SH3GL3: variants seen among roughly 807,000 people sequenced by gnomAD.
SH3GL3 encodes the protein endophilin-A3.
Under a neutral mutation model 47.7 loss-of-function variants are expected in SH3GL3, and 33 were observed. That is an observed-to-expected ratio of 0.69 (90% CI 0.52 to 0.92). The LOEUF (loss-of-function observed/expected upper bound fraction) is 0.92, where lower values mean the gene tolerates loss of function less well. SH3GL3 is among the 40% of genes least tolerant of loss of function. The probability of loss-of-function intolerance (pLI) is 0.00; values close to 1 mark genes in which losing one functional copy is unlikely to be tolerated. For missense variants in SH3GL3, 363 were observed against 417.8 expected (o/e 0.87, Z 1.14); for synonymous variants, 155 against 148.8 (o/e 1.04, Z -0.30).
chr15:83,538,477 T>C (rs1237978697), intron 1 of SH3GL3, among the ~76,000 whole-genome samples: 1 of 152,198 alleles, frequency 6.6e-6, no homozygotes, highest in Non-Finnish European at 1.5e-5. Flanking sequence ...TATAGAACAT[T>C]AGTGGCACCC....
intron 1 of SH3GL3, among the ~76,000 whole-genome samples, chr15:83,473,657 C>T (rs1220811256): frequency 2.0e-5 from 3 of 151,786 alleles, no homozygotes; most frequent in African/African-American, 7.3e-5. Context: ...ACGCCATTCT[C>T]CTGCCTCAGC....
rs570626440 is a variant in SH3GL3, at chr15:83,588,640, C to T, written c.729-22C>T. On this transcript the variant is annotated intron_variant, in intron 7 of 8. Coordinates refer to ENST00000427482, the MANE Select transcript of SH3GL3 (RefSeq NM_003027.5). ...AGCTTTCAACATCAGATGTCTGGCT[C>T]ATCTTACGATGTGTGTTACAGAATA... 48 of 1,394,502 alleles carry T rather than the reference C, an allele frequency of 3.4e-5. No individual in the cohort carries two copies. In the South Asian group the frequency reaches 5.1e-4, roughly 15 times the overall value. 86.4% of individuals were successfully genotyped at this position (1,394,502 alleles called of 1,614,324 possible). A position where few individuals can be genotyped will look rare whatever the true frequency, so the allele number is the denominator to read the frequency against.
At chr15:83,535,549 C>T (rs1270789626) in intron 1 of SH3GL3, among the ~76,000 whole-genome samples, 1 of 152,190 alleles carries the variant, frequency 6.6e-6, no homozygotes, top group African/African-American at 2.4e-5. Flanking sequence ...CATGAAACTT[C>T]ATGTTCCTAC....
intron 1 of SH3GL3, among the ~76,000 whole-genome samples, chr15:83,465,447 C>T (rs2040528224): frequency 1.3e-5 from 2 of 151,992 alleles, no homozygotes; most frequent in Admixed American, 1.3e-4. Context: ...CCTGTGAAAC[C>T]TCACTTGACT....
intron 1 of SH3GL3, among the ~76,000 whole-genome samples, chr15:83,481,315 G>C (rs1212295350): frequency 6.6e-6 from 1 of 151,860 alleles, no homozygotes; most frequent in African/African-American, 2.4e-5. Flanking sequence ...CTGTCACAGG[G>C]AGCGGAAACA....
chr15:83,513,713 A>G (rs1243646457), intron 1 of SH3GL3, among the ~76,000 whole-genome samples: 3 of 151,614 alleles, frequency 2.0e-5, no homozygotes, highest in African/African-American at 7.3e-5. Flanking sequence ...TCTACTTCCC[A>G]CTCTACCCAG....
chr15:83,465,797 T>C (rs2040544358), intron 1 of SH3GL3, among the ~76,000 whole-genome samples: 1 of 152,224 alleles, frequency 6.6e-6, no homozygotes, highest in Admixed American at 6.5e-5. Flanking sequence ...TGTTCCTTTA[T>C]TCTATGTGCT....
chr15:83,557,094 G>A (rs1490418419), intron 1 of SH3GL3, among the ~76,000 whole-genome samples: 1 of 152,198 alleles, frequency 6.6e-6, no homozygotes, highest in Non-Finnish European at 1.5e-5. Flanking sequence ...AAGTCGAAGC[G>A]TGGAAAAATA....
At chr15:83,624,487 C>T in the SH3GL3 span, among the ~76,000 whole-genome samples, 2 of 152,120 alleles carry the variant, frequency 1.3e-5, no homozygotes, top group Admixed American at 6.5e-5. Context: ...GACGAGCTAA[C>T]GGGGACAAAT....
At chr15:83,484,807 A>C (rs554643508) in intron 1 of SH3GL3, among the ~76,000 whole-genome samples, 1 of 152,320 alleles carries the variant, frequency 6.6e-6, no homozygotes, top group African/African-American at 2.4e-5. Flanking sequence ...GACATGAAGC[A>C]CATTTTCAAA....
intron 8 of SH3GL3, among the ~76,000 whole-genome samples, chr15:83,616,585 C>A (rs750191818): frequency 6.6e-6 from 1 of 152,122 alleles, no homozygotes; most frequent in Non-Finnish European, 1.5e-5. Flanking sequence ...AATAAATTGA[C>A]ACTAAATGTC....
chr15:83,501,532 C>T (rs1162258984), intron 1 of SH3GL3, among the ~76,000 whole-genome samples: 2 of 152,150 alleles, frequency 1.3e-5, no homozygotes, highest in East Asian at 3.9e-4. Context: ...TATTCAATTT[C>T]GTGTTTGGGT....
chr15:83,501,862 G>A (rs2042309931), intron 1 of SH3GL3, among the ~76,000 whole-genome samples: 1 of 152,038 alleles, frequency 6.6e-6, no homozygotes, highest in African/African-American at 2.4e-5. Flanking sequence ...CCGCACTCCA[G>A]CCTGGGCGAC....
intron 1 of SH3GL3, among the ~76,000 whole-genome samples, chr15:83,507,046 C>T (rs1189212138): frequency 6.6e-6 from 1 of 151,820 alleles, no homozygotes; most frequent in Non-Finnish European, 1.5e-5. Flanking sequence ...TGCTCTGTCA[C>T]CCAGGCTGGA....
intron 1 of SH3GL3, among the ~76,000 whole-genome samples, chr15:83,524,406 T>C (rs2043332212): frequency 6.6e-6 from 1 of 152,228 alleles, no homozygotes; most frequent in Admixed American, 6.5e-5. Flanking sequence ...ATAACATTTG[T>C]ACATGTTTAT....
intron 1 of SH3GL3, among the ~76,000 whole-genome samples, chr15:83,467,456 A>G (rs531555021): frequency 1.2e-4 from 18 of 152,314 alleles, no homozygotes; most frequent in African/African-American, 4.1e-4. Context: ...TAAGTCTTGT[A>G]TCAGGTAGAC....
intron 1 of SH3GL3, among the ~76,000 whole-genome samples, chr15:83,497,938 T>C (rs923831523): frequency 6.6e-6 from 1 of 152,250 alleles, no homozygotes; most frequent in Non-Finnish European, 1.5e-5. Flanking sequence ...CTCTGTTCAC[T>C]ATGTTTTATT....
At chr15:83,531,959 T>C (rs1043334707) in intron 1 of SH3GL3, among the ~76,000 whole-genome samples, 2 of 152,198 alleles carry the variant, frequency 1.3e-5, no homozygotes, top group Admixed American at 6.5e-5. Context: ...AAGGTGTTGA[T>C]TGAATCTGTC....
At chr15:83,547,586 A>G (rs1054264663) in intron 1 of SH3GL3, among the ~76,000 whole-genome samples, 6 of 151,752 alleles carry the variant, frequency 4.0e-5, no homozygotes, top group African/African-American at 1.5e-4. Flanking sequence ...TCTTGTGTGG[A>G]TAGTTGTTCT....
Sources: allele counts gnomAD v4.1 joint callset (sites outside exome capture counted in the v4.1 genomes callset), GRCh38; gene constraint gnomAD v4.1.1; transcripts MANE v1.5; gene names NCBI Gene and HGNC (gene_info 2026-07-23, HGNC 2026-07-21).